Variants in ASIC2 observed in about 807,000 individuals in gnomAD.
ASIC2 encodes acid-sensing ion channel 2.
Under a neutral mutation model 57.3 loss-of-function variants are expected in ASIC2, and 25 were observed. The observed-to-expected ratio is 0.44, with a 90% CI of 0.32 to 0.61. The LOEUF (loss-of-function observed/expected upper bound fraction) is 0.61. Among genes scored for constraint, ASIC2 ranks in the 20% least tolerant of loss-of-function variants. The pLI, the probability that ASIC2 is intolerant of heterozygous loss-of-function variation, is 0.06. For missense variants in ASIC2, 641 were observed against 738.1 expected (o/e 0.87, Z 1.52); for synonymous variants, 319 against 307.5 (o/e 1.04, Z -0.39).
chr17:33,497,503 ACAGT>A lies in ASIC2; in HGVS notation c.556-385440_556-385437del, dbSNP rs556929514. ...GGACCTCGAAGGAAAGAGCTGGCAA[ACAGT>A]CAGCGAAAGCACACTTTCCTGAGAT... On this transcript the variant is annotated intron_variant, in intron 1 of 9. Coordinates refer to the ASIC2 transcript ENST00000359872. Among the ~76,000 whole-genome samples, 15 of 152,346 alleles carry A rather than the reference ACAGT, an allele frequency of 9.8e-5. No individual in the cohort carries two copies. The East Asian group carries it at 2.5e-3, about 25-fold the overall frequency.
At chr17:33,732,002 C>A (rs1002797738) in intron 1 of ASIC2, among the ~76,000 whole-genome samples, 1 of 152,280 alleles carries the variant, frequency 6.6e-6, no homozygotes, top group African/African-American at 2.4e-5. Flanking sequence ...TAAAATGTAT[C>A]ATGAATGCAT....
chr17:33,801,264 A>T (rs1207199285), intron 1 of ASIC2, among the ~76,000 whole-genome samples: 1 of 152,218 alleles, frequency 6.6e-6, no homozygotes, highest in African/African-American at 2.4e-5. Context: ...AGAAGTCGCC[A>T]TCAAGTGAGA....
At chr17:33,036,245 G>C (rs2091908032) in intron 3 of ASIC2, among the ~76,000 whole-genome samples, 1 of 152,066 alleles carries the variant, frequency 6.6e-6, no homozygotes, top group African/African-American at 2.4e-5. Context: ...TGAGGAAACT[G>C]AGTTTCAGGA....
At chr17:33,114,414 A>C (rs778508209) in intron 1 of ASIC2, among the ~76,000 whole-genome samples, 11 of 152,322 alleles carry the variant, frequency 7.2e-5, no homozygotes, top group African/African-American at 9.6e-5. Context: ...GCTCCAATAG[A>C]GCTTTTCTTT....
intron 1 of ASIC2, among the ~76,000 whole-genome samples, chr17:33,811,701 CAGGGGTTTTTCCAT>C (rs1912426987): frequency 6.6e-6 from 1 of 152,188 alleles, no homozygotes; most frequent in African/African-American, 2.4e-5. Flanking sequence ...AACTCACTCT[CAGGGGTTTTTCCAT>C]TTTGTTAATG....
At chr17:33,578,950 T>A (rs985376334) in intron 1 of ASIC2, among the ~76,000 whole-genome samples, 9 of 152,150 alleles carry the variant, frequency 5.9e-5, no homozygotes, top group Admixed American at 4.6e-4. Context: ...TGCTGCTGCA[T>A]CCTCACCTGG....
At chr17:34,012,304 C>T (rs1206227176) in intron 1 of ASIC2, among the ~76,000 whole-genome samples, 1 of 152,208 alleles carries the variant, frequency 6.6e-6, no homozygotes, top group Non-Finnish European at 1.5e-5. Flanking sequence ...AGCTACCTGT[C>T]TGAAGGATGC....
intron 1 of ASIC2, among the ~76,000 whole-genome samples, chr17:33,549,035 T>C (rs780109680): frequency 1.3e-5 from 2 of 152,166 alleles, no homozygotes; most frequent in Non-Finnish European, 2.9e-5. Flanking sequence ...TTTTGTCTGT[T>C]TCTTGTATTG....
intron 1 of ASIC2, among the ~76,000 whole-genome samples, chr17:33,958,925 G>C (rs1378069021): frequency 1.3e-5 from 2 of 151,996 alleles, no homozygotes; most frequent in Non-Finnish European, 2.9e-5. Flanking sequence ...CTTCCACCAG[G>C]TACCCTAAAT....
chr17:33,835,484 T>C lies in ASIC2; in HGVS notation c.555+320494A>G, dbSNP rs73988907. ...ATCTTAATTATTATTTACTCCCTCC[T>C]CCTCTCACCTGCATTTCTGTTCCAA... On this transcript the variant is annotated intron_variant, in intron 1 of 9. Coordinates refer to the ASIC2 transcript ENST00000359872. Among the ~76,000 whole-genome samples, 661 of 152,294 alleles carry C rather than the reference T, an allele frequency of 4.3e-3. 8 individuals carry two copies. Among genetic ancestry groups the C allele is most frequent in the African/African-American group, 0.014 (585 of 41,560 alleles).
intron 1 of ASIC2, among the ~76,000 whole-genome samples, chr17:33,384,236 C>T (rs1477914988): frequency 6.6e-6 from 1 of 152,158 alleles, no homozygotes; most frequent in Non-Finnish European, 1.5e-5. Context: ...AACATGATTG[C>T]CCTTTCCAAA....
chr17:33,394,373 G>C (rs1320276352), intron 1 of ASIC2, among the ~76,000 whole-genome samples: 1 of 152,204 alleles, frequency 6.6e-6, no homozygotes, highest in Admixed American at 6.5e-5. Context: ...GGAATTTGGT[G>C]CTTTCAACAA....
intron 1 of ASIC2, among the ~76,000 whole-genome samples, chr17:33,617,276 GA>G (rs1162212278): frequency 6.6e-6 from 1 of 152,094 alleles, no homozygotes; most frequent in Non-Finnish European, 1.5e-5. Context: ...GCCCATCAGT[GA>G]AAAAATGTGG....
intron 1 of ASIC2, among the ~76,000 whole-genome samples, chr17:33,416,912 A>C (rs1910862467): frequency 6.6e-6 from 1 of 152,170 alleles, no homozygotes; most frequent in African/African-American, 2.4e-5. Context: ...GGATCTCACC[A>C]ATATGCCACA....
intron 1 of ASIC2, among the ~76,000 whole-genome samples, chr17:34,105,196 C>A (rs556014136): frequency 6.6e-6 from 1 of 151,962 alleles, no homozygotes; most frequent in East Asian, 1.9e-4. Context: ...TGACTCAAGG[C>A]GTTTGCTCAT....
chr17:33,090,295 C>G (rs1485701843), intron 2 of ASIC2, among the ~76,000 whole-genome samples: 1 of 152,224 alleles, frequency 6.6e-6, no homozygotes, highest in Non-Finnish European at 1.5e-5. Context: ...CTGCTGGAGC[C>G]CCTGCCATAG....
intron 1 of ASIC2, among the ~76,000 whole-genome samples, chr17:33,650,813 A>G (rs1211119187): frequency 6.6e-6 from 1 of 152,228 alleles, no homozygotes; most frequent in African/African-American, 2.4e-5. Flanking sequence ...GTGGCTCCCA[A>G]GAGTTTAGCA....
intron 8 of ASIC2, 121 bp downstream of exon 8, chr17:33,017,484 G>T: frequency 1.3e-6 from 1 of 780,846 alleles, no homozygotes; most frequent in Non-Finnish European, 2.1e-6. Flanking sequence ...TGGTGGACAG[G>T]AGGGGAAGCA....
chr17:34,126,115 T>C (rs911894063), intron 1 of ASIC2, among the ~76,000 whole-genome samples: 2 of 152,074 alleles, frequency 1.3e-5, no homozygotes, highest in East Asian at 3.9e-4. Context: ...TGGCAAGACA[T>C]AGAGGACCCA....
Sources: allele counts gnomAD v4.1 joint callset (sites outside exome capture counted in the v4.1 genomes callset), GRCh38; gene constraint gnomAD v4.1.1; transcripts MANE v1.5; gene names NCBI Gene and HGNC (gene_info 2026-07-23, HGNC 2026-07-21).